CATSPER4: variants seen among roughly 807,000 people sequenced by gnomAD.
The protein encoded by CATSPER4 is cation channel sperm associated 4.
A neutral mutation model predicts 54.4 loss-of-function variants in CATSPER4; 46 were observed. The ratio of observed to expected loss-of-function variants is 0.84; its 90% CI spans 0.67 to 1.08. The LOEUF (loss-of-function observed/expected upper bound fraction) is 1.08. Ranked by LOEUF, CATSPER4 falls within the 50% of genes least tolerant of loss-of-function variation. The pLI, the probability that CATSPER4 is intolerant of heterozygous loss-of-function variation, is 0.00. For missense variants in CATSPER4, 574 were observed against 612.8 expected, an observed-to-expected ratio of 0.94 and a Z score of 0.67; for synonymous variants, 230 against 231.9, an observed-to-expected ratio of 0.99 and a Z score of 0.08.
intron 2 of CATSPER4, 119 bp from the exon 3 acceptor site, chr1:26,193,668 A>G: frequency 1.3e-6 from 1 of 757,272 alleles, no homozygotes; most frequent in Non-Finnish European, 2.4e-6. Context: ...GTTGCTGAGG[A>G]CCAAGAGCAG....
chr1:26,202,405 C>A, intron 9 of CATSPER4, 84 bp from the exon 10 acceptor site: 1 of 1,226,568 alleles, frequency 8.2e-7, no homozygotes, highest in Non-Finnish European at 1.2e-6. Context: ...GCTGGGGAAG[C>A]TGGTGAGACT....
At chr1:26,196,888 C>T (rs1187524885) in intron 3 of CATSPER4, among the ~76,000 whole-genome samples, 2 of 150,732 alleles carry the variant, frequency 1.3e-5, no homozygotes, top group African/African-American at 4.9e-5. Context: ...CAAAATGTAC[C>T]AGTCTCCCTT....
intron 9 of CATSPER4, 171 bp downstream of exon 9, chr1:26,201,690 C>CTTTTT (rs57008544): frequency 3.0e-4 from 120 of 396,878 alleles, no homozygotes; most frequent in Non-Finnish European, 4.3e-4. Context: ...TCTTTCTTTC[C>CTTTTT]TTTTTTTTTT....
Position 26,194,806 on chromosome 1 carries a change from G to A in CATSPER4, c.459+918G>A, listed in dbSNP as rs574053585. Among the ~76,000 whole-genome samples the A allele has an allele frequency of 2.0e-5, 3 of 152,188 alleles. No homozygotes were observed. In the East Asian group the frequency reaches 5.8e-4, roughly 29 times the overall value. The stretch of plus-strand genomic sequence containing the variant: ...TTTTTTCATTAAGTATAGTTTTCTT[G>A]CTGGCTGCAGTGGCTCATGCCTGTA... On this transcript the variant is annotated intron_variant, in intron 3 of 9. Transcript: ENST00000456354.
chr1:26,199,112 G>T (rs188224825), intron 6 of CATSPER4, among the ~76,000 whole-genome samples: 54 of 152,068 alleles, frequency 3.6e-4, no homozygotes, highest in Middle Eastern at 6.8e-3. Context: ...GGCTATCCTG[G>T]CTAACACAGT....
At chr1:26,195,663 G>A (rs1569903781) in intron 3 of CATSPER4, among the ~76,000 whole-genome samples, 2 of 152,134 alleles carry the variant, frequency 1.3e-5, no homozygotes, top group South Asian at 2.1e-4. Flanking sequence ...CACCACGCCT[G>A]GCTAATTTTT....
At chr1:26,198,238 T>C in intron 5 of CATSPER4, 48 bp from the exon 6 acceptor site, 1 of 1,614,188 alleles carries the variant, frequency 6.2e-7, no homozygotes, top group Non-Finnish European at 8.5e-7. Context: ...GTGTCCTATT[T>C]CCAGGCCCTT....
chr1:26,200,026 C>T lies in CATSPER4; in HGVS notation c.955C>T (p.Gln319Ter), dbSNP rs755991379. The T allele has an allele frequency of 1.9e-6, 3 of 1,613,658 alleles. No homozygotes were observed. Among genetic ancestry groups the T allele is most frequent in the Non-Finnish European group, 2.5e-6 (3 of 1,179,856 alleles). ...GGAGCAAATGATGAAGGCAGGAGAG[C>T]AGGGACAACAGCAACGAATAACCTT... ...NLEQMMKAGE[Q>*]GQQQRITFSE... is the part of the protein sequence containing the mutation. Residue 319 changes from glutamine (Q) to a stop codon, truncating the protein, a stop_gained, in exon 7 of 10, where the codon CAG (glutamine) becomes TAG (stop). Transcript: ENST00000456354. LOFTEE classifies it high-confidence loss of function.
At position 26,200,167 on chromosome 1, in the gene CATSPER4, G is replaced by A. The variant is rs2088991426; in HGVS notation, c.987+109G>A. 3.0e-6 allele frequency: 4 copies of A among 1,345,540 alleles called. No homozygotes were observed. The Admixed American group carries it at 6.5e-5, about 22-fold the overall frequency. 83.4% of individuals were successfully genotyped at this position (1,345,540 alleles called of 1,614,324 possible). On this transcript the variant is annotated intron_variant, in intron 7 of 9. Transcript: ENST00000456354. ...TTGCATAATCAAGGGCCTGGAGAAA[G>A]CCAAGTTGGAGGCCTGGAGGCAGCA... is the stretch of plus-strand genomic sequence containing the variant.
At chr1:26,193,358 T>A (rs1216818319) in intron 2 of CATSPER4, among the ~76,000 whole-genome samples, 1 of 152,112 alleles carries the variant, frequency 6.6e-6, no homozygotes, top group Non-Finnish European at 1.5e-5. Context: ...AGATGGAGCT[T>A]GGTGTTCTCC....
chr1:26,202,051 TTCC>T (rs895643728), intron 9 of CATSPER4, among the ~76,000 whole-genome samples: 39 of 152,160 alleles, frequency 2.6e-4, no homozygotes, highest in African/African-American at 8.7e-4. Flanking sequence ...GTTCTGCACT[TTCC>T]TTCTCGGAAA....
In CATSPER4 at chr1:26,196,436, G is replaced by T. The variant is rs138504019; in HGVS notation, c.460-1250G>T. 2.4e-3 allele frequency among the ~76,000 whole-genome samples: 277 copies of T among 115,458 alleles called. 8 individuals are homozygous for T. The East Asian group carries it at 0.052, about 22-fold the overall frequency. The allele number at this position is 115,458 out of a possible 152,430, so 75.7% of individuals were successfully genotyped here. ...TTTTTTTTTTTTTTTTTTGAGACAG[G>T]GTCTCACCCCTGTTGCTCAGGCTGG... On this transcript the variant is annotated intron_variant, in intron 3 of 9. Transcript: ENST00000456354.
chr1:26,197,869 C>T (rs1334134331), intron 4 of CATSPER4, 86 bp downstream of exon 4: 1 of 1,607,576 alleles, frequency 6.2e-7, no homozygotes, highest in African/African-American at 1.3e-5. Flanking sequence ...TGGAGATCAG[C>T]TTTGCCTCTC....
Position 26,202,066 on chromosome 1 carries a change from G to T in CATSPER4, c.1366-423G>T, listed in dbSNP as rs181920466. ...GTTCTGCACTTTCCTTCTCGGAAAGGCTCCACCCTTCCTGCCAGTTTCATC... is the reference window on the plus strand; with the variant it reads ...GTTCTGCACTTTCCTTCTCGGAAAGTCTCCACCCTTCCTGCCAGTTTCATC... On this transcript the variant is annotated intron_variant, in intron 9 of 9. Transcript: ENST00000456354. 1.8e-4 allele frequency among the ~76,000 whole-genome samples: 27 copies of T among 152,258 alleles called. No individual in the cohort carries two copies. The East Asian group carries it at 5.2e-3, about 29-fold the overall frequency.
intron 2 of CATSPER4, among the ~76,000 whole-genome samples, chr1:26,192,151 AAGGTCTCACT>A (rs1425103762): frequency 6.7e-6 from 1 of 149,978 alleles, no homozygotes; most frequent in Non-Finnish European, 1.5e-5. Context: ...TTTTAGAGAC[AAGGTCTCACT>A]CTGTCACCCA....
At chr1:26,199,847 C>T in intron 6 of CATSPER4, 37 bp from the exon 7 acceptor site, 8 of 1,609,814 alleles carry the variant, frequency 5.0e-6, no homozygotes, top group Non-Finnish European at 6.8e-6. Context: ...GCTTGAAGGG[C>T]CAGGGAAATG....
chr1:26,192,249 TC>T (rs999690212), intron 2 of CATSPER4, among the ~76,000 whole-genome samples: 22 of 151,430 alleles, frequency 1.5e-4, no homozygotes, highest in African/African-American at 4.8e-4. Context: ...TGCCTCAGCC[TC>T]CCAAGTAGCT....
At position 26,199,885 on chromosome 1, in the gene CATSPER4, A is replaced by G; in HGVS notation, c.814A>G (p.Thr272Ala). ...GWVDIYSDFQ[T>A]EKREYAMEIG... ...GGGGCCCCTGCCTGCCATCTGCAGG[A>G]CAGAGAAGAGGGAATATGCAATGGA... Residue 272 changes from threonine to alanine, a missense_variant and splice_region_variant, in exon 7 of 10, where the codon ACA (threonine) becomes GCA (alanine). Coordinates refer to ENST00000456354, the MANE Select transcript of CATSPER4 (RefSeq NM_198137.2). 1 of 1,614,060 alleles carries G rather than the reference A, an allele frequency of 6.2e-7. No individual in the cohort carries two copies. Among genetic ancestry groups the G allele is most frequent in the Non-Finnish European group, 8.5e-7 (1 of 1,180,028 alleles).
chr1:26,194,520 A>AT (rs549575766), intron 3 of CATSPER4, among the ~76,000 whole-genome samples: 5 of 151,956 alleles, frequency 3.3e-5, no homozygotes, highest in East Asian at 1.9e-4. Flanking sequence ...CTATGCACTT[A>AT]TTTTTTTTGC....
Sources: allele counts gnomAD v4.1 joint callset (sites outside exome capture counted in the v4.1 genomes callset), GRCh38; gene constraint gnomAD v4.1.1; transcripts MANE v1.5; gene names NCBI Gene and HGNC (gene_info 2026-07-23, HGNC 2026-07-21).